CSGALNACT1: variants seen among roughly 807,000 people sequenced by gnomAD.
The protein encoded by CSGALNACT1 is chondroitin sulfate N-acetylgalactosaminyltransferase 1.
A neutral mutation model predicts 51.0 loss-of-function variants in CSGALNACT1; 52 were observed. The ratio of observed to expected loss-of-function variants is 1.02; its 90% CI spans 0.82 to 1.29. The LOEUF is 1.29. Ranked by LOEUF, CSGALNACT1 falls within the 50% of genes most tolerant of loss-of-function variation. The probability of loss-of-function intolerance (pLI) is 0.00; values close to 1 mark genes in which losing one functional copy is unlikely to be tolerated. For missense variants in CSGALNACT1, 935 were observed against 679.2 expected (o/e 1.38, Z -4.19); for synonymous variants, 341 against 254.4 (o/e 1.34, Z -3.24).
At chr8:19,662,037 C>T (rs1279166529) in intron 1 of CSGALNACT1, among the ~76,000 whole-genome samples, 1 of 149,656 alleles carries the variant, frequency 6.7e-6, no homozygotes, top group East Asian at 2.0e-4. Context: ...CAGCAGCAAC[C>T]CCTTTCCCAC....
intron 4 of CSGALNACT1, among the ~76,000 whole-genome samples, chr8:19,464,372 T>A (rs1045986478): frequency 1.3e-5 from 2 of 152,116 alleles, no homozygotes; most frequent in Non-Finnish European, 2.9e-5. Flanking sequence ...CTCGCCAGCA[T>A]CCCATACCAC....
chr8:19,553,818 A>C (rs2088931842), intron 3 of CSGALNACT1, among the ~76,000 whole-genome samples: 1 of 151,530 alleles, frequency 6.6e-6, no homozygotes, highest in Admixed American at 6.6e-5. Flanking sequence ...TATTGTTCTC[A>C]GAGAGCTGAG....
chr8:19,456,649 C>T (rs932463102), intron 5 of CSGALNACT1, among the ~76,000 whole-genome samples: 1 of 152,198 alleles, frequency 6.6e-6, no homozygotes, highest in African/African-American at 2.4e-5. Context: ...ACTATAAAAA[C>T]ACTCACTTCA....
intron 2 of CSGALNACT1, among the ~76,000 whole-genome samples, chr8:19,598,994 T>C (rs2049609719): frequency 6.6e-6 from 1 of 152,130 alleles, no homozygotes; most frequent in Admixed American, 6.6e-5. Flanking sequence ...AGCTCCCTGG[T>C]CAGTGATGAG....
At chr8:19,640,094 T>A (rs2056564459) in intron 1 of CSGALNACT1, among the ~76,000 whole-genome samples, 1 of 151,930 alleles carries the variant, frequency 6.6e-6, no homozygotes, top group Non-Finnish European at 1.5e-5. Flanking sequence ...CTTTCAATGT[T>A]CAATGCACCT....
chr8:19,723,168 A>C (rs903035878), intron 1 of CSGALNACT1, among the ~76,000 whole-genome samples: 1 of 152,198 alleles, frequency 6.6e-6, no homozygotes, highest in African/African-American at 2.4e-5. Flanking sequence ...CCAAAGACCC[A>C]ACGGATTGAT....
At chr8:19,437,542 G>A (rs950845939) in intron 6 of CSGALNACT1, among the ~76,000 whole-genome samples, 2 of 152,094 alleles carry the variant, frequency 1.3e-5, no homozygotes, top group African/African-American at 2.4e-5. Context: ...GCAGGACATG[G>A]CCCAAAGCAT....
chr8:19,739,358 A>G (rs922347110), intron 1 of CSGALNACT1, among the ~76,000 whole-genome samples: 1 of 152,210 alleles, frequency 6.6e-6, no homozygotes, highest in Non-Finnish European at 1.5e-5. Context: ...GGATCTGTAC[A>G]GGTAGCCTGT....
intron 1 of CSGALNACT1, among the ~76,000 whole-genome samples, chr8:19,665,962 A>T (rs2059147049): frequency 6.6e-6 from 1 of 152,054 alleles, no homozygotes; most frequent in African/African-American, 2.4e-5. Flanking sequence ...TATTTTCTCC[A>T]TCTTTTTTCT....
At chr8:19,723,179 A>G (rs1032795022) in intron 1 of CSGALNACT1, among the ~76,000 whole-genome samples, 3 of 152,240 alleles carry the variant, frequency 2.0e-5, no homozygotes, top group Non-Finnish European at 1.5e-5. Context: ...ACGGATTGAT[A>G]CTAAAATTTA....
intron 3 of CSGALNACT1, among the ~76,000 whole-genome samples, chr8:19,588,611 G>A (rs2047161871): frequency 6.6e-6 from 1 of 152,214 alleles, no homozygotes; most frequent in African/African-American, 2.4e-5. Context: ...TGGAAATACA[G>A]CAGTGAACAA....
chr8:19,677,364 G>A (rs753447599), intron 1 of CSGALNACT1, among the ~76,000 whole-genome samples: 1 of 152,176 alleles, frequency 6.6e-6, no homozygotes, highest in Non-Finnish European at 1.5e-5. Context: ...TCCCACCTCG[G>A]CCTCCCAAAG....
chr8:19,534,345 G>A (rs2083347854), intron 3 of CSGALNACT1, among the ~76,000 whole-genome samples: 1 of 152,064 alleles, frequency 6.6e-6, no homozygotes, highest in Admixed American at 6.6e-5. Context: ...CAGCTACTCA[G>A]GAGGCTGAGG....
chr8:19,560,268 C>T (rs2040406410), intron 3 of CSGALNACT1, among the ~76,000 whole-genome samples: 1 of 152,060 alleles, frequency 6.6e-6, no homozygotes, highest in African/African-American at 2.4e-5. Flanking sequence ...TTAAAGACTG[C>T]AAGATTAAAC....
intron 1 of CSGALNACT1, among the ~76,000 whole-genome samples, chr8:19,612,945 G>GGAAAAAAAAAAAAAAAAAAAAAAAAAAAA (rs2052476104): frequency 4.8e-5 from 1 of 20,882 alleles, no homozygotes; most frequent in Non-Finnish European, 7.7e-5. Context: ...AAAAGCAGCT[G>GGAAAAAAAAAAAAAAAAAAAAAAAAAAAA]GAAAAAAAAA....
chr8:19,441,788 C>T (rs1323663600), intron 5 of CSGALNACT1, among the ~76,000 whole-genome samples: 1 of 151,990 alleles, frequency 6.6e-6, no homozygotes, highest in Admixed American at 6.5e-5. Flanking sequence ...AGGCAACCTA[C>T]AGAATGGGAG....
intron 1 of CSGALNACT1, among the ~76,000 whole-genome samples, chr8:19,673,012 T>A (rs1356095339): frequency 6.6e-6 from 1 of 152,184 alleles, no homozygotes; most frequent in Non-Finnish European, 1.5e-5. Flanking sequence ...AGGCCCTCTT[T>A]TCAGAGTTCG....
At chr8:19,476,665 C>T (rs767629608) in intron 4 of CSGALNACT1, among the ~76,000 whole-genome samples, 3 of 152,178 alleles carry the variant, frequency 2.0e-5, no homozygotes, top group Non-Finnish European at 4.4e-5. Context: ...ACACAGCTTC[C>T]ACCTTGTTTG....
intron 7 of CSGALNACT1, 106 bp downstream of exon 6, chr8:19,420,234 G>C (rs968882461): frequency 3.9e-6 from 4 of 1,037,074 alleles, no homozygotes; most frequent in Non-Finnish European, 4.5e-6. Flanking sequence ...AGTAAAACAG[G>C]CTGATTCAGA....
Sources: allele counts gnomAD v4.1 joint callset (sites outside exome capture counted in the v4.1 genomes callset), GRCh38; gene constraint gnomAD v4.1.1; transcripts MANE v1.5; gene names NCBI Gene and HGNC (gene_info 2026-07-23, HGNC 2026-07-21).